Variants in TRAPPC12 observed in about 807,000 individuals in gnomAD.
The protein encoded by TRAPPC12 is trafficking protein particle complex subunit 12.
TRAPPC12 carries 61 observed loss-of-function variants against 69.2 expected under a neutral mutation model. The observed-to-expected ratio is 0.88, with a 90% CI of 0.72 to 1.09. The LOEUF (loss-of-function observed/expected upper bound fraction) is 1.09. TRAPPC12 is among the 50% of genes least tolerant of loss of function. The probability of loss-of-function intolerance (pLI) is 0.00; values close to 1 mark genes in which losing one functional copy is unlikely to be tolerated. For synonymous variants in TRAPPC12, 469 were observed against 438.9 expected (o/e 1.07, Z -0.86); for missense variants, 1,101 against 1,016.4 (o/e 1.08, Z -1.13).
Position 3,380,776 on chromosome 2 carries a change from C to G in TRAPPC12, c.-5+900C>G, listed in dbSNP as rs534111361. 1.6e-3 allele frequency among the ~76,000 whole-genome samples: 246 copies of G among 152,336 alleles called. 1 individual carries two copies. The highest frequency in any genetic ancestry group is 5.6e-3 in the African/African-American group (234 of 41,582). Reference sequence around the variant, plus strand: ...TACTAAACTGGGTGTTGCCACTCTGCTTTATCATTAAAATGATAATTACTA... The same window carrying G: ...TACTAAACTGGGTGTTGCCACTCTGGTTTATCATTAAAATGATAATTACTA... On this transcript the variant is annotated intron_variant, in intron 1 of 11. Transcript: ENST00000324266.
chr2:3,449,347 A>G (rs569895365), intron 6 of TRAPPC12: 1 of 152,644 alleles, frequency 6.6e-6, no homozygotes, highest in African/African-American at 2.4e-5. Context: ...CTGCCCGCCC[A>G]GTCTTGAGTT....
intron 9 of TRAPPC12, among the ~76,000 whole-genome samples, chr2:3,473,579 A>G (rs1198591469): frequency 6.6e-6 from 1 of 152,194 alleles, no homozygotes; most frequent in African/African-American, 2.4e-5. Flanking sequence ...TCCTGGGCTC[A>G]AGCAATCCTC....
At chr2:3,412,502 A>C (rs1274627526) in intron 3 of TRAPPC12, among the ~76,000 whole-genome samples, 2 of 152,188 alleles carry the variant, frequency 1.3e-5, no homozygotes, top group Non-Finnish European at 2.9e-5. Context: ...CTGAGGTTGC[A>C]GTGAGCCAAG....
intron 7 of TRAPPC12, among the ~76,000 whole-genome samples, chr2:3,459,094 A>G (rs1044282406): frequency 6.6e-6 from 1 of 152,230 alleles, no homozygotes; most frequent in Non-Finnish European, 1.5e-5. Context: ...GGTGATTGTT[A>G]TCTCACAGTG....
chr2:3,406,704 G>A (rs1052216314), intron 3 of TRAPPC12, among the ~76,000 whole-genome samples: 1 of 152,166 alleles, frequency 6.6e-6, no homozygotes, highest in Non-Finnish European at 1.5e-5. Flanking sequence ...CCTTGGTTTG[G>A]CCATGGGGAA....
In TRAPPC12 at chr2:3,387,646, A is replaced by T. The variant is rs901656637; in HGVS notation, c.23A>T (p.Glu8Val). Residue 8 changes from glutamate to valine, a missense_variant, in exon 2 of 12, where the codon GAG (glutamate) becomes GTG (valine). Physicochemically the swap from Glu to Val is moderately radical, Grantham distance 121. Coordinates refer to ENST00000324266, the MANE Select transcript of TRAPPC12 (RefSeq NM_016030.6). Reference protein sequence around the residue: MEDAGGGEETPAPEAPHP... With the variant: MEDAGGGVETPAPEAPHP... ...GTCATGGAGGACGCTGGCGGCGGCG[A>T]GGAGACCCCGGCCCCGGAGGCCCCG... is the stretch of plus-strand genomic sequence containing the variant. 1.3e-6 allele frequency: 2 copies of T among 1,545,040 alleles called. No homozygotes were observed. The highest frequency in any genetic ancestry group is 1.4e-5 in the African/African-American group (1 of 72,868).
intron 3 of TRAPPC12, among the ~76,000 whole-genome samples, chr2:3,404,780 C>T (rs554093542): frequency 3.3e-5 from 5 of 151,656 alleles, no homozygotes; most frequent in South Asian, 4.2e-4. Context: ...ATAAGAGAAC[C>T]CCCAGTCGGT....
At chr2:3,475,734 G>C (rs1666263466) in intron 9 of TRAPPC12, among the ~76,000 whole-genome samples, 6 of 152,132 alleles carry the variant, frequency 3.9e-5, no homozygotes, top group Admixed American at 3.3e-4. Context: ...GGACAGCCTG[G>C]GTGTTGACCA....
chr2:3,438,708 G>T (rs1449022061), intron 5 of TRAPPC12, among the ~76,000 whole-genome samples: 2 of 151,958 alleles, frequency 1.3e-5, no homozygotes, highest in Non-Finnish European at 1.5e-5. Flanking sequence ...CCTCAGATTG[G>T]CTTCGTTCAC....
chr2:3,463,492 T>C (rs1665626195), intron 8 of TRAPPC12, among the ~76,000 whole-genome samples: 1 of 150,138 alleles, frequency 6.7e-6, no homozygotes, highest in Non-Finnish European at 1.5e-5. Context: ...CACGTGCTCT[T>C]TGGGAAGAGC....
At chr2:3,411,323 A>G (rs924018702) in intron 3 of TRAPPC12, among the ~76,000 whole-genome samples, 2 of 152,240 alleles carry the variant, frequency 1.3e-5, no homozygotes, top group African/African-American at 2.4e-5. Flanking sequence ...AGTGACATGC[A>G]CACGGTTGAT....
At chr2:3,387,531 C>T in intron 1 of TRAPPC12, 89 bp from the exon 2 acceptor site, 7 of 1,041,380 alleles carry the variant, frequency 6.7e-6, no homozygotes, top group Non-Finnish European at 8.2e-6. Flanking sequence ...TGGAAGTCTG[C>T]GTCATTTGAA....
intron 8 of TRAPPC12, among the ~76,000 whole-genome samples, chr2:3,461,397 T>C (rs1434279976): frequency 2.6e-5 from 4 of 152,246 alleles, no homozygotes; most frequent in African/African-American, 7.2e-5. Context: ...GCCTTTGCGC[T>C]TCTGCGTCTA....
rs11548216 is a variant in TRAPPC12, at chr2:3,479,492, C to T, written c.*31C>T. 19 of 1,607,610 alleles carry T rather than the reference C, an allele frequency of 1.2e-5. No individual in the cohort carries two copies. The highest frequency in any genetic ancestry group is 4.5e-5 in the East Asian group (2 of 44,766). ...TCCAACACACTACGTCAGAAGGACC[C>T]GGGTCTTTGAAACTGTGTCTTGAAG... On this transcript the variant is annotated 3_prime_UTR_variant, in exon 12 of 12. Transcript: ENST00000324266.
intron 3 of TRAPPC12, among the ~76,000 whole-genome samples, chr2:3,415,001 C>T (rs998533085): frequency 1.3e-5 from 2 of 152,166 alleles, no homozygotes; most frequent in African/African-American, 2.4e-5. Context: ...CCTGCAGATA[C>T]GGAGGACCAA....
At chr2:3,426,140 C>T (rs555856870) in intron 5 of TRAPPC12, among the ~76,000 whole-genome samples, 1 of 152,046 alleles carries the variant, frequency 6.6e-6, no homozygotes, top group Non-Finnish European at 1.5e-5. Context: ...GTTTTTTGAC[C>T]TTTAGTCTCA....
chr2:3,415,963 C>G (rs918504887), intron 3 of TRAPPC12, among the ~76,000 whole-genome samples: 59 of 151,206 alleles, frequency 3.9e-4, no homozygotes, highest in Non-Finnish European at 4.9e-4. Flanking sequence ...TGATCCGCCC[C>G]CCTCAGCCTC....
intron 9 of TRAPPC12, among the ~76,000 whole-genome samples, chr2:3,469,376 C>T (rs1263542750): frequency 1.3e-5 from 2 of 152,182 alleles, no homozygotes; most frequent in Non-Finnish European, 1.5e-5. Flanking sequence ...TAGTAACTGT[C>T]CCTCAAATGG....
chr2:3,448,783 G>T (rs977228921), intron 6 of TRAPPC12, among the ~76,000 whole-genome samples: 3 of 152,220 alleles, frequency 2.0e-5, no homozygotes, highest in African/African-American at 7.2e-5. Flanking sequence ...GAGGGCGGAG[G>T]GCGTGTGCCG....
Sources: gnomAD v4.1 joint callset for allele counts (sites outside exome capture counted in the v4.1 genomes callset) on GRCh38, gnomAD v4.1.1 for gene constraint, MANE v1.5 for transcripts, NCBI Gene and HGNC (gene_info 2026-07-23, HGNC 2026-07-21) for gene names.